Variants in DNM3 observed in about 807,000 individuals in gnomAD.
The protein encoded by DNM3 is dynamin-3.
DNM3 carries 47 observed loss-of-function variants against 101.6 expected under a neutral mutation model. The ratio of observed to expected loss-of-function variants is 0.46; its 90% CI spans 0.37 to 0.59. The LOEUF (loss-of-function observed/expected upper bound fraction) is 0.59. DNM3 is among the 20% of genes least tolerant of loss of function. The pLI is 0.00. For missense variants in DNM3, 849 were observed against 1,085.7 expected (o/e 0.78, Z 3.06); for synonymous variants, 385 against 387.9 (o/e 0.99, Z 0.09).
chr1:172,254,251 T>C (rs1320943610), intron 15 of DNM3, among the ~76,000 whole-genome samples: 1 of 152,172 alleles, frequency 6.6e-6, no homozygotes. Flanking sequence ...CTACATTTTG[T>C]TACCTTAAAG....
At chr1:171,972,895 A>C (rs1219299158) in intron 2 of DNM3, among the ~76,000 whole-genome samples, 2 of 151,924 alleles carry the variant, frequency 1.3e-5, no homozygotes, top group South Asian at 2.1e-4. Context: ...AACAACAAAA[A>C]CCCCAGATTC....
chr1:171,847,174 A>AT (rs1278677667), intron 1 of DNM3, among the ~76,000 whole-genome samples: 1 of 152,244 alleles, frequency 6.6e-6, no homozygotes, highest in African/African-American at 2.4e-5. Flanking sequence ...AACTGACAGG[A>AT]TAAAGTATGA....
At chr1:172,144,777 T>C (rs2057787647) in intron 14 of DNM3, 3 of 331,850 alleles carry the variant, frequency 9.0e-6, no homozygotes, top group African/African-American at 4.4e-5. Context: ...TTTCCAGTCT[T>C]GACGTGGCAC....
At chr1:172,053,940 T>C (rs1226049711) in intron 10 of DNM3, among the ~76,000 whole-genome samples, 1 of 152,182 alleles carries the variant, frequency 6.6e-6, no homozygotes, top group Non-Finnish European at 1.5e-5. Flanking sequence ...ATAAGGTGAC[T>C]ATATAATTTA....
chr1:172,266,528 T>C (rs2062864767), intron 15 of DNM3, among the ~76,000 whole-genome samples: 1 of 152,200 alleles, frequency 6.6e-6, no homozygotes, highest in Admixed American at 6.5e-5. Flanking sequence ...GGATAAATTA[T>C]TTTATTTCAT....
chr1:171,960,370 G>A (rs2043139794), intron 2 of DNM3, among the ~76,000 whole-genome samples: 1 of 152,182 alleles, frequency 6.6e-6, no homozygotes, highest in Non-Finnish European at 1.5e-5. Flanking sequence ...GGCATACTTT[G>A]TTATAGCAGC....
intron 2 of DNM3, among the ~76,000 whole-genome samples, chr1:171,950,886 C>T (rs774715634): frequency 2.0e-5 from 3 of 152,018 alleles, no homozygotes; most frequent in Non-Finnish European, 4.4e-5. Context: ...TATGCCATAT[C>T]GCTCTAATTT....
chr1:171,987,598 A>G, intron 2 of DNM3, 58 bp from the exon 3 acceptor site: 1 of 1,478,278 alleles, frequency 6.8e-7, no homozygotes, highest in Admixed American at 2.4e-5. Flanking sequence ...AGAAACTTTT[A>G]TAATTATGGC....
At chr1:172,010,983 T>TC (rs1256121379) in intron 4 of DNM3, among the ~76,000 whole-genome samples, 1 of 151,918 alleles carries the variant, frequency 6.6e-6, no homozygotes, top group Admixed American at 6.6e-5. Context: ...GGTTGAATAC[T>TC]GGATATTTTG....
rs1278886695 is a variant in DNM3, at chr1:172,009,153, G to A, written c.589+20005G>A. On this transcript the variant is annotated intron_variant, in intron 4 of 20. Coordinates refer to ENST00000627582, the MANE Select transcript of DNM3 (RefSeq NM_015569.5). ...TATATTTATATTATATATATTATAT[G>A]ATATATAATATTATATAATGTATTA... Among the ~76,000 whole-genome samples, 11 of 127,172 alleles carry A rather than the reference G, an allele frequency of 8.6e-5. No homozygotes were observed. In the East Asian group the frequency reaches 2.3e-3, roughly 27 times the overall value. 83.4% of individuals were successfully genotyped at this position (127,172 alleles called of 152,430 possible). A position where few individuals can be genotyped will look rare whatever the true frequency, so the allele number is the denominator to read the frequency against.
intron 14 of DNM3, among the ~76,000 whole-genome samples, chr1:172,210,828 A>ATT (rs1467370441): frequency 6.6e-6 from 1 of 152,114 alleles, no homozygotes; most frequent in Non-Finnish European, 1.5e-5. Flanking sequence ...TAAGGTATAA[A>ATT]TTGTGTTGGT....
intron 1 of DNM3, among the ~76,000 whole-genome samples, chr1:171,892,575 C>T (rs1371414093): frequency 4.6e-5 from 7 of 152,252 alleles, no homozygotes; most frequent in Admixed American, 4.6e-4. Flanking sequence ...CTATAACTTC[C>T]CATTCTAACA....
At chr1:171,929,856 A>AGCTGTGATGTGCCGTCC (rs2040862680) in intron 2 of DNM3, among the ~76,000 whole-genome samples, 1 of 152,210 alleles carries the variant, frequency 6.6e-6, no homozygotes, top group Non-Finnish European at 1.5e-5. Context: ...TTCGTAGAGC[A>AGCTGTGATGTGCCGTCC]GCTGTGATGT....
intron 17 of DNM3, among the ~76,000 whole-genome samples, chr1:172,328,564 C>T (rs763041072): frequency 1.3e-5 from 2 of 152,108 alleles, no homozygotes; most frequent in African/African-American, 2.4e-5. Flanking sequence ...CACAGGTTCT[C>T]ACTTGTAAGT....
At chr1:172,283,780 A>AAAAAAAAAAG (rs1553221113) in intron 15 of DNM3, among the ~76,000 whole-genome samples, 74 of 119,056 alleles carry the variant, frequency 6.2e-4, no homozygotes, top group African/African-American at 2.5e-3. Flanking sequence ...AAAAAAAAAA[A>AAAAAAAAAAG]AAAGAAAGAA....
intron 17 of DNM3, among the ~76,000 whole-genome samples, chr1:172,349,846 T>C (rs2067116407): frequency 6.6e-6 from 1 of 152,138 alleles, no homozygotes; most frequent in South Asian, 2.1e-4. Flanking sequence ...TGAGTGATTA[T>C]GTAAAAAATC....
chr1:172,065,150 C>T (rs1371325839), intron 10 of DNM3, among the ~76,000 whole-genome samples: 4 of 152,234 alleles, frequency 2.6e-5, no homozygotes, highest in Admixed American at 6.5e-5. Context: ...TGGCCATATA[C>T]TGGCCTGGGG....
At chr1:172,266,229 C>T (rs1477326080) in intron 15 of DNM3, among the ~76,000 whole-genome samples, 1 of 152,052 alleles carries the variant, frequency 6.6e-6, no homozygotes, top group Non-Finnish European at 1.5e-5. Context: ...CATTTCTATA[C>T]TAAGACATGC....
Position 172,409,046 on chromosome 1 carries a change from A to T in DNM3, c.*1205A>T. 1 of 985,376 alleles carries T rather than the reference A, an allele frequency of 1.0e-6. No individual in the cohort carries two copies. The highest frequency in any genetic ancestry group is 1.2e-6 in the Non-Finnish European group (1 of 829,872). 61.0% of individuals were successfully genotyped at this position (985,376 alleles called of 1,614,324 possible). ...TAAAGCAAATTTGCAATTTCTTAAG[A>T]TTTCTAAAATTTACCAGAACAGTTT... On this transcript the variant is annotated 3_prime_UTR_variant, in exon 21 of 21. Transcript: ENST00000627582.
Sources: allele counts gnomAD v4.1 joint callset (sites outside exome capture counted in the v4.1 genomes callset), GRCh38; gene constraint gnomAD v4.1.1; transcripts MANE v1.5; gene names NCBI Gene and HGNC (gene_info 2026-07-23, HGNC 2026-07-21).